Variants in MYL7 observed in about 807,000 individuals in gnomAD.
The protein encoded by MYL7 is myosin regulatory light chain 2, atrial isoform.
In MYL7, 27 loss-of-function variants were observed where a neutral mutation model predicts 22.5. The observed-to-expected ratio is 1.20, with a 90% CI of 0.89 to 1.66. The LOEUF is 1.66. Among genes scored for constraint, MYL7 ranks in the 40% most tolerant of loss-of-function variants. The probability of loss-of-function intolerance (pLI) is 0.00; values close to 1 mark genes in which losing one functional copy is unlikely to be tolerated. For missense variants in MYL7, 209 were observed against 226.8 expected (o/e 0.92, Z 0.50); for synonymous variants, 81 against 84.4 (o/e 0.96, Z 0.22).
At chr7:44,139,730 C>A in intron 5 of MYL7, 52 bp downstream of exon 5, 2 of 1,604,880 alleles carry the variant, frequency 1.2e-6, no homozygotes, top group Non-Finnish European at 8.5e-7. Flanking sequence ...GGGCCTCACC[C>A]CGCTCTCTGC....
At chr7:44,140,061 T>A (rs1057270425) in intron 4 of MYL7, among the ~76,000 whole-genome samples, 6 of 151,770 alleles carry the variant, frequency 4.0e-5, no homozygotes, top group African/African-American at 1.5e-4. Context: ...AGACTGGAAT[T>A]TGGGGGTGGG....
At position 44,139,073 on chromosome 7, in the gene MYL7, G is replaced by A. The variant is rs192708386; in HGVS notation, c.427-51C>T. ...GTCCCCTGGCTCCTGGCCCAGCCCG[G>A]CAGAGACCTCACCTGAGTCCTGTGG... On this transcript the variant is annotated intron_variant, in intron 6 of 6. Coordinates refer to ENST00000223364, the MANE Select transcript of MYL7 (RefSeq NM_021223.3). 61 of 1,441,980 alleles carry A rather than the reference G, an allele frequency of 4.2e-5. No homozygotes were observed. The East Asian group carries it at 1.3e-3, about 30-fold the overall frequency. The allele number at this position is 1,441,980 out of a possible 1,614,324, so 89.3% of individuals were successfully genotyped here.
At chr7:44,141,233 ACT>A in intron 1 of MYL7, 68 bp downstream of exon 1, 1 of 1,610,104 alleles carries the variant, frequency 6.2e-7, no homozygotes, top group Non-Finnish European at 8.5e-7. Flanking sequence ...AGCACAGAAA[ACT>A]CTGCTCCCCC....
In MYL7 at chr7:44,139,572, G is replaced by A; in HGVS notation, c.378-3C>T. 6.2e-7 allele frequency: 1 copy of A among 1,604,330 alleles called. No homozygotes were observed. The highest frequency in any genetic ancestry group is 1.1e-5 in the South Asian group (1 of 89,480). On this transcript the variant is annotated splice_region_variant and splice_polypyrimidine_tract_variant and intron_variant, in intron 5 of 6. Transcript: ENST00000223364. ...GGGTCAGGAGAAGCTGCTTGAACCT[G>A]GGGGGTGAGGAGGGTCTGAGCAGGA...
rs1046276538 is a variant in MYL7, at chr7:44,140,438, T to C, written c.194-11A>G. 1 of 1,609,340 alleles carries C rather than the reference T, an allele frequency of 6.2e-7. No individual in the cohort carries two copies. Among genetic ancestry groups the C allele is most frequent in the Admixed American group, 1.7e-5 (1 of 59,860 alleles). The stretch of plus-strand genomic sequence containing the variant: ...GGACACTCACCTTCCCTGGTGGGGG[T>C]GGGGCATGAGGTGCACACAGGGACC... On this transcript the variant is annotated splice_polypyrimidine_tract_variant and intron_variant, in intron 3 of 6. Transcript: ENST00000223364.
chr7:44,139,388 G>A (rs747031091), intron 6 of MYL7, 133 bp downstream of exon 6: 1 of 1,006,132 alleles, frequency 9.9e-7, no homozygotes, highest in Non-Finnish European at 1.6e-6. Context: ...TCTCAACAGA[G>A]ATGGCACCTC....
chr7:44,140,435 G>T lies in MYL7; in HGVS notation c.194-8C>A. ...CTGGGACACTCACCTTCCCTGGTGG[G>T]GGTGGGGCATGAGGTGCACACAGGG... On this transcript the variant is annotated splice_region_variant and splice_polypyrimidine_tract_variant and intron_variant, in intron 3 of 6. Transcript: ENST00000223364. 1 of 1,610,866 alleles carries T rather than the reference G, an allele frequency of 6.2e-7. No individual in the cohort carries two copies. Among genetic ancestry groups the T allele is most frequent in the Non-Finnish European group, 8.5e-7 (1 of 1,177,758 alleles).
rs909836838 is a variant in MYL7 at position 44,141,152 on chromosome 7, C to G, written c.4-78G>C. ...CCACCCCACCCATCATGCACAGTCC[C>G]AGAGCATTCCCAGGAGAGCCAGGGC... On this transcript the variant is annotated intron_variant, in intron 1 of 6. Coordinates refer to ENST00000223364, the MANE Select transcript of MYL7 (RefSeq NM_021223.3). 4.3e-5 allele frequency: 67 copies of G among 1,574,602 alleles called. No homozygotes were observed. In the African/African-American group the frequency reaches 8.2e-4, roughly 19 times the overall value.
Position 44,139,027 on chromosome 7 carries a change from A to G in MYL7, c.427-5T>C, listed in dbSNP as rs1008384. ...CAGGGCGAACATCTGCTCCACCTGC[A>G]GGGGACACTGGTGAGTGGCAGTCCC... On this transcript the variant is annotated splice_polypyrimidine_tract_variant and splice_region_variant and intron_variant, in intron 6 of 6. Coordinates refer to ENST00000223364, the MANE Select transcript of MYL7 (RefSeq NM_021223.3). 400,716 of 1,612,274 alleles carry G rather than the reference A, an allele frequency of 0.25. 53,142 individuals are homozygous for G. The highest frequency in any genetic ancestry group is 0.28 in the Admixed American group (17,092 of 59,978).
At chr7:44,139,678 A>G (rs2096262889) in intron 5 of MYL7, 104 bp downstream of exon 5, 5 of 1,567,192 alleles carry the variant, frequency 3.2e-6, no homozygotes, top group Non-Finnish European at 4.4e-6. Flanking sequence ...CACCCCAAAG[A>G]GCAGTGTAAG....
chr7:44,139,104 C>T, intron 6 of MYL7, 82 bp from the exon 7 acceptor site: 1 of 1,034,440 alleles, frequency 9.7e-7, no homozygotes, highest in Non-Finnish European at 1.5e-6. Flanking sequence ...TGTGGCCTTT[C>T]TGTCTGCCCC....
chr7:44,139,290 C>T, intron 6 of MYL7: 1 of 674,462 alleles, frequency 1.5e-6, no homozygotes. Flanking sequence ...GAAACCTCTC[C>T]CTATCCACTT....
At chr7:44,140,940 C>T in intron 2 of MYL7, 21 bp downstream of exon 2, 1 of 1,606,774 alleles carries the variant, frequency 6.2e-7, no homozygotes, top group Non-Finnish European at 8.5e-7. Flanking sequence ...GGATCTGAGG[C>T]TACTGGGAGT....
At chr7:44,139,692 C>T (rs1158220284) in intron 5 of MYL7, 90 bp downstream of exon 5, 17 of 1,578,444 alleles carry the variant, frequency 1.1e-5, no homozygotes, top group Non-Finnish European at 1.3e-5. Flanking sequence ...GTGTAAGGCC[C>T]CGAAGCACAG....
At chr7:44,140,517 G>T (rs745311942) in intron 3 of MYL7, 90 bp from the exon 4 acceptor site, 7 of 1,279,460 alleles carry the variant, frequency 5.5e-6, no homozygotes, top group Non-Finnish European at 7.7e-6. Context: ...GGCCACAGGG[G>T]CTGGAGGGGC....
At chr7:44,139,407 G>C (rs868254045) in intron 6 of MYL7, 114 bp downstream of exon 6, 2 of 1,179,048 alleles carry the variant, frequency 1.7e-6, no homozygotes, top group East Asian at 4.7e-5. Flanking sequence ...TCCTCCAGAA[G>C]GGCCCTCGGC....
At chr7:44,141,110 A>T in intron 1 of MYL7, 36 bp from the exon 2 acceptor site, 1 of 1,601,354 alleles carries the variant, frequency 6.2e-7, no homozygotes, top group Non-Finnish European at 8.6e-7. Flanking sequence ...TCCTCTCCCC[A>T]ACTCCTCAGA....
At chr7:44,140,137 G>T (rs949125385) in intron 4 of MYL7, among the ~76,000 whole-genome samples, 186 bp downstream of exon 4, 6 of 152,118 alleles carry the variant, frequency 3.9e-5, no homozygotes, top group African/African-American at 1.4e-4. Flanking sequence ...GGATTCTGGG[G>T]CAGAGGATGT....
At chr7:44,139,279 C>T (rs932741551) in intron 6 of MYL7, 37 of 660,694 alleles carry the variant, frequency 5.6e-5, no homozygotes, top group Middle Eastern at 2.5e-4. Context: ...CCCGAGTGTA[C>T]GAAACCTCTC....
Sources: allele counts gnomAD v4.1 joint callset (sites outside exome capture counted in the v4.1 genomes callset), GRCh38; gene constraint gnomAD v4.1.1; transcripts MANE v1.5; gene names NCBI Gene and HGNC (gene_info 2026-07-23, HGNC 2026-07-21).